Variants in MAGI2 observed in about 807,000 individuals in gnomAD.
MAGI2 encodes the protein membrane-associated guanylate kinase, WW and PDZ domain-containing protein 2.
A neutral mutation model predicts 133.3 loss-of-function variants in MAGI2; 35 were observed. The observed-to-expected ratio is 0.26, with a 90% confidence interval of 0.20 to 0.35. MAGI2 has a LOEUF of 0.35. MAGI2 is among the 10% of genes least tolerant of loss of function. The pLI, the probability that MAGI2 is intolerant of heterozygous loss-of-function variation, is 1.00. For missense variants in MAGI2, 1,636 were observed against 1,863.4 expected, an observed-to-expected ratio of 0.88 and a Z score of 2.25; for synonymous variants, 729 against 710.6, an observed-to-expected ratio of 1.03 and a Z score of -0.41.
intron 1 of MAGI2, among the ~76,000 whole-genome samples, chr7:79,057,644 G>A (rs906695964): frequency 2.6e-5 from 4 of 152,052 alleles, no homozygotes; most frequent in Admixed American, 6.5e-5. Flanking sequence ...TTATCTTATC[G>A]GTCTTGAGGT....
At chr7:78,307,644 G>A (rs990098716) in intron 9 of MAGI2, among the ~76,000 whole-genome samples, 55 of 152,098 alleles carry the variant, frequency 3.6e-4, no homozygotes, top group Non-Finnish European at 8.8e-5. Context: ...GCAATAATTA[G>A]AGAGAAATTT....
chr7:79,045,661 G>A (rs575205448), intron 1 of MAGI2, among the ~76,000 whole-genome samples: 6 of 152,180 alleles, frequency 3.9e-5, no homozygotes, highest in Admixed American at 2.6e-4. Context: ...GCCTGGTGGC[G>A]GGCACCTGTA....
chr7:79,169,333 G>C (rs894220518), intron 1 of MAGI2, among the ~76,000 whole-genome samples: 5 of 152,042 alleles, frequency 3.3e-5, no homozygotes, highest in Non-Finnish European at 7.4e-5. Flanking sequence ...CCATTTTAAG[G>C]TTTATTTCAG....
intron 3 of MAGI2, among the ~76,000 whole-genome samples, chr7:78,625,295 C>A (rs963574234): frequency 4.0e-5 from 6 of 151,122 alleles, no homozygotes; most frequent in African/African-American, 1.5e-4. Flanking sequence ...ATACATTTCC[C>A]AGCCCCCAGA....
rs373080889 is a variant in MAGI2, at chr7:78,799,644, C to T, written c.419-172405G>A. ...ATAATTTGAGGAAATAAGTTTGCTT[C>T]TTATGTCAAGGCACCAATATTTGCT... On this transcript the variant is annotated intron_variant, in intron 2 of 21. Coordinates refer to ENST00000354212, the MANE Select transcript of MAGI2 (RefSeq NM_012301.4). Among the ~76,000 whole-genome samples the T allele has an allele frequency of 7.9e-5, 12 of 152,234 alleles. 2 individuals are homozygous for T. The highest frequency in any genetic ancestry group is 3.9e-4 in the East Asian group (2 of 5,172).
chr7:79,408,049 C>T (rs1191965458), intron 1 of MAGI2, among the ~76,000 whole-genome samples: 2 of 152,030 alleles, frequency 1.3e-5, no homozygotes, highest in Admixed American at 6.6e-5. Context: ...TTTGGTACAG[C>T]TTCTCTGAGA....
At chr7:78,903,330 A>G (rs1398312475) in intron 2 of MAGI2, among the ~76,000 whole-genome samples, 7 of 151,392 alleles carry the variant, frequency 4.6e-5, no homozygotes. Flanking sequence ...GGTAGCTGGG[A>G]CTACAGGCGC....
At chr7:78,118,416 G>A (rs912441261) in intron 20 of MAGI2, among the ~76,000 whole-genome samples, 4 of 152,240 alleles carry the variant, frequency 2.6e-5, no homozygotes. Context: ...AAAAGGACAA[G>A]CCACAGACTG....
intron 1 of MAGI2, among the ~76,000 whole-genome samples, chr7:79,034,429 T>C (rs1810917998): frequency 6.6e-6 from 1 of 152,170 alleles, no homozygotes. Context: ...GTTGCTAAAA[T>C]GCCAAATATA....
chr7:78,323,533 C>G (rs1484338558), intron 9 of MAGI2, among the ~76,000 whole-genome samples: 5 of 152,178 alleles, frequency 3.3e-5, no homozygotes, highest in African/African-American at 7.2e-5. Flanking sequence ...GAATTAGAAG[C>G]CTCAGAGACC....
chr7:79,228,366 A>AAAAAAAAAAAAAAAAAAAAAAAAAAAAC (rs1227417021), intron 1 of MAGI2, among the ~76,000 whole-genome samples: 1 of 147,796 alleles, frequency 6.8e-6, no homozygotes, highest in Non-Finnish European at 1.5e-5. Flanking sequence ...AAAAAAAAAA[A>AAAAAAAAAAAAAAAAAAAAAAAAAAAAC]AAAAGATCGT....
intron 1 of MAGI2, among the ~76,000 whole-genome samples, chr7:79,239,299 ACT>A (rs1292254429): frequency 2.0e-5 from 3 of 152,286 alleles, no homozygotes; most frequent in African/African-American, 7.2e-5. Context: ...AGAAACACTA[ACT>A]CACTTATCTT....
chr7:78,563,721 T>C (rs1168972274), intron 3 of MAGI2, among the ~76,000 whole-genome samples: 2 of 152,182 alleles, frequency 1.3e-5, no homozygotes, highest in East Asian at 3.9e-4. Flanking sequence ...CTTTTCCATA[T>C]CACACCTTAC....
At chr7:78,151,133 C>T (rs1823831253) in intron 16 of MAGI2, among the ~76,000 whole-genome samples, 1 of 147,992 alleles carries the variant, frequency 6.8e-6, no homozygotes, top group Admixed American at 6.8e-5. Flanking sequence ...CTAGTAGGAA[C>T]CAGGCGGCCA....
rs368179491 is a variant in MAGI2 at position 78,059,777 on chromosome 7, A to ATATTTTTTT, written c.3706+19169_3706+19170insAAAAAAATA. On this transcript the variant is annotated intron_variant, in intron 21 of 21. Transcript: ENST00000354212. ...AACAATGCCATATATATATATATATATTTTTTTTCTGGAGTCCCTACAGCA... is the reference window on the plus strand; with the variant it reads ...AACAATGCCATATATATATATATATATATTTTTTTTTTTTTTTCTGGAGTCCCTACAGCA... Among the ~76,000 whole-genome samples, 410 of 146,124 alleles carry ATATTTTTTT rather than the reference A, an allele frequency of 2.8e-3. 2 individuals carry two copies. The highest frequency in any genetic ancestry group is 9.4e-3 in the African/African-American group (372 of 39,528).
At chr7:79,424,884 A>C (rs1355241819) in intron 1 of MAGI2, among the ~76,000 whole-genome samples, 2 of 152,154 alleles carry the variant, frequency 1.3e-5, no homozygotes, top group African/African-American at 4.8e-5. Context: ...ATTTATTTCC[A>C]TTCACATTCA....
At chr7:78,241,377 A>G (rs75287564) in intron 10 of MAGI2, among the ~76,000 whole-genome samples, 2,947 of 152,216 alleles carry the variant, frequency 0.019, 104 homozygotes, top group African/African-American at 0.067. Flanking sequence ...TTGTGCATCA[A>G]TATCCCCATT....
At chr7:78,023,118 G>A (rs915060891) in intron 21 of MAGI2, among the ~76,000 whole-genome samples, 1 of 152,080 alleles carries the variant, frequency 6.6e-6, no homozygotes, top group Non-Finnish European at 1.5e-5. Context: ...CTCCAGGCAC[G>A]AGCCTGCAAA....
At chr7:79,333,260 C>T (rs1234810546) in intron 1 of MAGI2, among the ~76,000 whole-genome samples, 3 of 151,904 alleles carry the variant, frequency 2.0e-5, no homozygotes, top group South Asian at 4.2e-4. Flanking sequence ...CATGAGTAGC[C>T]GGGATTACAG....
Sources: gnomAD v4.1 joint callset for allele counts (sites outside exome capture counted in the v4.1 genomes callset) on GRCh38, gnomAD v4.1.1 for gene constraint, MANE v1.5 for transcripts, NCBI Gene and HGNC (gene_info 2026-07-23, HGNC 2026-07-21) for gene names.